CCDC192: variants seen among roughly 807,000 people sequenced by gnomAD.
CCDC192 encodes the protein coiled-coil domain containing 192.
At position 127,844,787 on chromosome 5, in the gene CCDC192, A is replaced by G. The variant is rs529570150; in HGVS notation, c.412-30751A>G. 4.8e-4 allele frequency among the ~76,000 whole-genome samples: 73 copies of G among 152,292 alleles called. 3 individuals carry two copies. In the South Asian group the frequency reaches 0.014, roughly 29 times the overall value. ...CTTTGCTCTTTTGTTGTTTCGTACC[A>G]TGTGGTGCCAGCAATATTCTGGCAG... On this transcript the variant is annotated intron_variant, in intron 5 of 6. Transcript: ENST00000514853.
chr5:127,714,249 A>C (rs1751495444), intron 2 of CCDC192, among the ~76,000 whole-genome samples: 1 of 152,178 alleles, frequency 6.6e-6, no homozygotes, highest in African/African-American at 2.4e-5. Context: ...CCACTGATGG[A>C]CACTTAGTTG....
At chr5:127,759,092 G>C (rs1349270989) in intron 3 of CCDC192, among the ~76,000 whole-genome samples, 1 of 152,136 alleles carries the variant, frequency 6.6e-6, no homozygotes, top group Non-Finnish European at 1.5e-5. Flanking sequence ...CTTTGTTCCT[G>C]CTCCACTATC....
At chr5:127,786,756 T>A in intron 3 of CCDC192, 1 of 679,188 alleles carries the variant, frequency 1.5e-6, no homozygotes, top group Non-Finnish European at 2.7e-6. Flanking sequence ...TGTCAAGTAA[T>A]TATTCAAAAA....
chr5:127,889,610 C>G (rs1320738234), intron 6 of CCDC192, among the ~76,000 whole-genome samples: 1 of 152,202 alleles, frequency 6.6e-6, no homozygotes, highest in Non-Finnish European at 1.5e-5. Context: ...CCATGTTGAC[C>G]AGGCTGGTCT....
chr5:127,743,451 G>A (rs1246920929), intron 2 of CCDC192, among the ~76,000 whole-genome samples: 1 of 152,152 alleles, frequency 6.6e-6, no homozygotes, highest in Non-Finnish European at 1.5e-5. Flanking sequence ...ATTTAAAGAT[G>A]AAAATGTTGA....
chr5:127,717,776 G>A (rs1751705773), intron 2 of CCDC192, among the ~76,000 whole-genome samples: 1 of 151,834 alleles, frequency 6.6e-6, no homozygotes, highest in Admixed American at 6.6e-5. Flanking sequence ...CTATCCAGAA[G>A]TTACACATAT....
At chr5:127,821,805 A>C (rs1561507777) in intron 5 of CCDC192, among the ~76,000 whole-genome samples, 1 of 152,216 alleles carries the variant, frequency 6.6e-6, no homozygotes, top group Non-Finnish European at 1.5e-5. Flanking sequence ...ACTGCCATAA[A>C]GACCCTGAGA....
chr5:127,709,703 T>C (rs1449761834), intron 2 of CCDC192, among the ~76,000 whole-genome samples: 3 of 152,238 alleles, frequency 2.0e-5, no homozygotes. Flanking sequence ...TTTCTAACTC[T>C]AGTGATAATT....
intron 3 of CCDC192, among the ~76,000 whole-genome samples, chr5:127,794,276 A>C (rs1757042109): frequency 6.6e-6 from 1 of 152,222 alleles, no homozygotes; most frequent in Non-Finnish European, 1.5e-5. Context: ...CTGGGGTCAA[A>C]TTTGGGTGTA....
Position 127,709,948 on chromosome 5 carries a change from TA to T in CCDC192, c.114+2190del, listed in dbSNP as rs552258978. On this transcript the variant is annotated intron_variant, in intron 2 of 6. Transcript: ENST00000514853. ...TGCTAATCAACCAGCACCCTAGAGG[TA>T]ACCCTCTCATGGACGGTATCTACAC... 5.5e-4 allele frequency among the ~76,000 whole-genome samples: 83 copies of T among 152,230 alleles called. 1 individual carries two copies. Among genetic ancestry groups the T allele is most frequent in the African/African-American group, 1.3e-3 (56 of 41,542 alleles).
chr5:127,903,241 AT>A (rs748694522), intron 6 of CCDC192, among the ~76,000 whole-genome samples: 1,301 of 143,114 alleles, frequency 9.1e-3, no homozygotes, highest in Middle Eastern at 0.035. Context: ...TTTTGGAGGA[AT>A]TTTTTTTTTT....
chr5:127,911,097 A>C (rs189106343), intron 6 of CCDC192, among the ~76,000 whole-genome samples: 7 of 152,370 alleles, frequency 4.6e-5, no homozygotes, highest in Admixed American at 1.3e-4. Context: ...CATCACGGTC[A>C]GTCCAATTAT....
At chr5:127,864,871 G>A (rs937732108) in intron 5 of CCDC192, among the ~76,000 whole-genome samples, 1 of 152,134 alleles carries the variant, frequency 6.6e-6, no homozygotes, top group African/African-American at 2.4e-5. Context: ...ATAATGGCTG[G>A]GCATGGTGGT....
intron 5 of CCDC192, among the ~76,000 whole-genome samples, chr5:127,873,926 C>G (rs534298265): frequency 6.6e-6 from 1 of 152,166 alleles, no homozygotes; most frequent in Non-Finnish European, 1.5e-5. Context: ...AATACCCAGA[C>G]ATATTTCTTG....
intron 3 of CCDC192, among the ~76,000 whole-genome samples, chr5:127,782,076 GATA>G (rs1222413302): frequency 2.0e-5 from 3 of 152,140 alleles, no homozygotes; most frequent in Non-Finnish European, 2.9e-5. Flanking sequence ...CATTTATTGA[GATA>G]ATCATGTGAT....
chr5:127,795,520 A>G (rs1757116317), intron 3 of CCDC192, among the ~76,000 whole-genome samples: 1 of 152,150 alleles, frequency 6.6e-6, no homozygotes, highest in African/African-American at 2.4e-5. Context: ...TACAGATTAA[A>G]AAACTCAAGC....
At chr5:127,718,208 T>C (rs1751752285) in intron 2 of CCDC192, among the ~76,000 whole-genome samples, 1 of 152,148 alleles carries the variant, frequency 6.6e-6, no homozygotes, top group Non-Finnish European at 1.5e-5. Flanking sequence ...AAAAAAAAGG[T>C]CCTGTCTTCA....
rs577022330 is a variant in CCDC192 at position 127,885,220 on chromosome 5, A to G, written c.535+9559A>G. 2.6e-5 allele frequency among the ~76,000 whole-genome samples: 4 copies of G among 152,278 alleles called. No homozygotes were observed. The East Asian group carries it at 7.7e-4, about 29-fold the overall frequency. On this transcript the variant is annotated intron_variant, in intron 6 of 6. Transcript: ENST00000514853. ...GCACAAGGGAATTGGAGCTTGATCA[A>G]TTTCAAAGGTTTCGTTCTTAGCTAC...
At chr5:127,853,961 A>G (rs1193449427) in intron 5 of CCDC192, among the ~76,000 whole-genome samples, 2 of 152,066 alleles carry the variant, frequency 1.3e-5, no homozygotes, top group Non-Finnish European at 1.5e-5. Flanking sequence ...CACCCTTTCA[A>G]TGACTCTATT....
Sources: allele counts gnomAD v4.1 joint callset (sites outside exome capture counted in the v4.1 genomes callset), GRCh38; gene constraint gnomAD v4.1.1; transcripts MANE v1.5; gene names NCBI Gene and HGNC (gene_info 2026-07-23, HGNC 2026-07-21).